SLC24A2: variants seen among roughly 807,000 people sequenced by gnomAD.
The protein encoded by SLC24A2 is solute carrier family 24 member 2, also known as sodium/potassium/calcium exchanger 2.
Under a neutral mutation model 62.0 loss-of-function variants are expected in SLC24A2, and 36 were observed. That is an observed-to-expected ratio of 0.58 (90% CI 0.44 to 0.77). The LOEUF is 0.77. Ranked by LOEUF, SLC24A2 falls within the 30% of genes least tolerant of loss-of-function variation. The pLI, the probability that SLC24A2 is intolerant of heterozygous loss-of-function variation, is 0.00. For synonymous variants in SLC24A2, 358 were observed against 294.0 expected (o/e 1.22, Z -2.23); for missense variants, 846 against 817.9 (o/e 1.03, Z -0.42).
At chr9:20,027,392 A>G in the SLC24A2 span, among the ~76,000 whole-genome samples, 1 of 152,242 alleles carries the variant, frequency 6.6e-6, no homozygotes, top group African/African-American at 2.4e-5. Context: ...AAAATATGAA[A>G]TCAATCTTAG....
At chr9:19,656,361 C>T (rs1818942138) in intron 2 of SLC24A2, among the ~76,000 whole-genome samples, 1 of 152,216 alleles carries the variant, frequency 6.6e-6, no homozygotes. Flanking sequence ...CCTCTATTTG[C>T]AGCCACTACA....
chr9:19,513,546 C>T lies in SLC24A2; in HGVS notation c.*2607G>A, dbSNP rs1324776274. 6.6e-6 allele frequency: 1 copy of T among 152,062 alleles called. No individual in the cohort carries two copies. The highest frequency in any genetic ancestry group is 6.6e-5 in the Admixed American group (1 of 15,260). 9.4% of individuals were successfully genotyped at this position (152,062 alleles called of 1,614,324 possible). ...CTTCACATGAAAGACCACAACACTT[C>T]CTGTGAAGTGGAGCTCCGAGACAAG... On this transcript the variant is annotated 3_prime_UTR_variant, in exon 11 of 11. Coordinates refer to ENST00000341998, the MANE Select transcript of SLC24A2 (RefSeq NM_020344.4).
At chr9:20,159,945 T>C in the SLC24A2 span, among the ~76,000 whole-genome samples, 651 of 151,532 alleles carry the variant, frequency 4.3e-3, 3 homozygotes, top group African/African-American at 0.014. Flanking sequence ...GATACAGAAA[T>C]ATCAGTAATA....
the SLC24A2 span, among the ~76,000 whole-genome samples, chr9:20,167,453 G>A: frequency 2.6e-5 from 4 of 151,956 alleles, no homozygotes; most frequent in Non-Finnish European, 4.4e-5. Flanking sequence ...GCTGAAATTG[G>A]CAGCAGTTCA....
intron 2 of SLC24A2, among the ~76,000 whole-genome samples, chr9:19,706,569 G>T (rs1397969389): frequency 6.6e-6 from 1 of 151,862 alleles, no homozygotes; most frequent in East Asian, 1.9e-4. Flanking sequence ...TAGTAGAGAC[G>T]GGGTTTCACC....
chr9:20,306,869 T>C, the SLC24A2 span, among the ~76,000 whole-genome samples: 2 of 152,054 alleles, frequency 1.3e-5, no homozygotes, highest in African/African-American at 4.8e-5. Flanking sequence ...GCTAATTTTT[T>C]GTATTTTTAG....
chr9:20,281,942 C>T, the SLC24A2 span, among the ~76,000 whole-genome samples: 1 of 152,126 alleles, frequency 6.6e-6, no homozygotes, highest in Non-Finnish European at 1.5e-5. Flanking sequence ...AACACTGGCA[C>T]ATTTTTCATT....
chr9:19,900,963 A>G, the SLC24A2 span, among the ~76,000 whole-genome samples: 28 of 152,254 alleles, frequency 1.8e-4, no homozygotes, highest in African/African-American at 6.5e-4. Flanking sequence ...AGTGCAAAGC[A>G]GCATAGTGCA....
At chr9:19,943,250 C>G in the SLC24A2 span, among the ~76,000 whole-genome samples, 8 of 150,384 alleles carry the variant, frequency 5.3e-5, no homozygotes, top group South Asian at 1.5e-3. Context: ...ATGGGACACT[C>G]ATTTAAAGTT....
the SLC24A2 span, among the ~76,000 whole-genome samples, chr9:19,883,049 T>G: frequency 1.3e-5 from 2 of 152,204 alleles, no homozygotes; most frequent in African/African-American, 4.8e-5. Flanking sequence ...AGATCTCTAT[T>G]TATTACAAAT....
the SLC24A2 span, among the ~76,000 whole-genome samples, chr9:20,138,821 C>T: frequency 1.3e-5 from 2 of 152,310 alleles, no homozygotes; most frequent in African/African-American, 4.8e-5. Flanking sequence ...AAGAAGAATC[C>T]TCCCCAGTAG....
the SLC24A2 span, among the ~76,000 whole-genome samples, chr9:20,246,546 A>G: frequency 2.0e-5 from 3 of 152,256 alleles, no homozygotes; most frequent in Non-Finnish European, 4.4e-5. Context: ...AATAAAATAA[A>G]TATATCTCAG....
At chr9:19,867,477 G>C in the SLC24A2 span, among the ~76,000 whole-genome samples, 5 of 152,038 alleles carry the variant, frequency 3.3e-5, no homozygotes, top group Non-Finnish European at 7.4e-5. Context: ...TACAATTGTC[G>C]TAATATTCCT....
intron 2 of SLC24A2, among the ~76,000 whole-genome samples, chr9:19,721,458 A>T (rs1821022918): frequency 6.6e-6 from 1 of 152,160 alleles, no homozygotes; most frequent in Non-Finnish European, 1.5e-5. Context: ...AAAAGAAGAG[A>T]AGACAGAAAT....
intron 7 of SLC24A2, among the ~76,000 whole-genome samples, chr9:19,562,306 G>C (rs538081677): frequency 3.4e-4 from 52 of 152,226 alleles, no homozygotes; most frequent in Admixed American, 1.3e-3. Context: ...AAATACTAAT[G>C]ATAGTATTTC....
the SLC24A2 span, among the ~76,000 whole-genome samples, chr9:20,056,173 C>T: frequency 6.6e-6 from 1 of 152,286 alleles, no homozygotes; most frequent in East Asian, 1.9e-4. Context: ...CTGGCATTTG[C>T]TGATAGTATC....
At chr9:20,144,875 ATTTCATTCTG>A in the SLC24A2 span, among the ~76,000 whole-genome samples, 1 of 152,134 alleles carries the variant, frequency 6.6e-6, no homozygotes, top group Non-Finnish European at 1.5e-5. Flanking sequence ...GTGCTAGTTC[ATTTCATTCTG>A]ATAGTTTTCT....
At chr9:20,171,843 C>G in the SLC24A2 span, among the ~76,000 whole-genome samples, 1 of 152,006 alleles carries the variant, frequency 6.6e-6, no homozygotes, top group Non-Finnish European at 1.5e-5. Flanking sequence ...TGGATTTAAA[C>G]TATACCCTGG....
At chr9:19,558,675 G>A (rs1267091174) in intron 7 of SLC24A2, among the ~76,000 whole-genome samples, 2 of 152,288 alleles carry the variant, frequency 1.3e-5, no homozygotes, top group Admixed American at 1.3e-4. Flanking sequence ...TCAACATTCA[G>A]TGTTCAAAGG....
Sources: allele counts gnomAD v4.1 joint callset (sites outside exome capture counted in the v4.1 genomes callset), GRCh38; gene constraint gnomAD v4.1.1; transcripts MANE v1.5; gene names NCBI Gene and HGNC (gene_info 2026-07-23, HGNC 2026-07-21).